The following NAV2 variants were observed in gnomAD, a reference collection of about 807,000 sequenced individuals.
NAV2 encodes helicase, APC down-regulated 1.
Under a neutral mutation model 223.2 loss-of-function variants are expected in NAV2, and 54 were observed. The ratio of observed to expected loss-of-function variants is 0.24; its 90% confidence interval spans 0.19 to 0.30. The LOEUF is 0.30. NAV2 is among the 10% of genes least tolerant of loss of function. The probability of loss-of-function intolerance (pLI) is 1.00; values close to 1 mark genes in which losing one functional copy is unlikely to be tolerated. For missense variants in NAV2, 2,806 were observed against 3,147.5 expected (o/e 0.89, Z 2.60); for synonymous variants, 1,279 against 1,239.3 (o/e 1.03, Z -0.67).
chr11:19,350,547 C>T (rs967787787), upstream of NAV2, among the ~76,000 whole-genome samples: 1 of 152,162 alleles, frequency 6.6e-6, no homozygotes, highest in African/African-American at 2.4e-5. Context: ...GATTAAATGC[C>T]CATTTACATT....
intron 10 of NAV2, among the ~76,000 whole-genome samples, chr11:19,954,972 C>CATATATATAT (rs1161437533): frequency 2.0e-5 from 1 of 49,576 alleles, no homozygotes; most frequent in Non-Finnish European, 4.3e-5. Context: ...TACATATACA[C>CATATATATAT]ACATATATAT....
At chr11:19,499,252 C>T (rs1234765891) in intron 1 of NAV2, among the ~76,000 whole-genome samples, 1 of 152,136 alleles carries the variant, frequency 6.6e-6, no homozygotes. Context: ...AAATAAAAGG[C>T]CAGGAACCTA....
chr11:19,822,588 C>T (rs2059438219), intron 1 of NAV2, among the ~76,000 whole-genome samples: 1 of 151,996 alleles, frequency 6.6e-6, no homozygotes, highest in African/African-American at 2.4e-5. Flanking sequence ...GTGTGAGTAT[C>T]CCTTTGAAAC....
chr11:20,049,801 T>A (rs1361449883), intron 15 of NAV2, 35 bp from the exon 16 acceptor site: 1 of 1,599,386 alleles, frequency 6.3e-7, no homozygotes, highest in East Asian at 2.2e-5. Context: ...AAGCTAACGT[T>A]CCTTCTCTTG....
intron 1 of NAV2, among the ~76,000 whole-genome samples, chr11:19,734,156 A>G (rs1466457047): frequency 6.6e-6 from 1 of 152,156 alleles, no homozygotes; most frequent in African/African-American, 2.4e-5. Context: ...GGAATAGGAG[A>G]GTCTACAATG....
intron 1 of NAV2, among the ~76,000 whole-genome samples, chr11:19,425,842 T>C (rs569337191): frequency 6.6e-6 from 1 of 152,220 alleles, no homozygotes. Flanking sequence ...CCTGTAATTC[T>C]GAACATCAAT....
At chr11:20,098,659 C>G (rs1168014977) in intron 31 of NAV2, among the ~76,000 whole-genome samples, 1 of 152,252 alleles carries the variant, frequency 6.6e-6, no homozygotes, top group African/African-American at 2.4e-5. Context: ...AGATCTTGCT[C>G]TGCAGGTGGC....
At chr11:20,027,533 C>T (rs940662451) in intron 11 of NAV2, 24 of 907,398 alleles carry the variant, frequency 2.6e-5, no homozygotes, top group Non-Finnish European at 3.2e-5. Context: ...AAGAGGCAGA[C>T]AGAGGGGCGG....
At chr11:19,708,466 T>C (rs1177133954), upstream of NAV2, among the ~76,000 whole-genome samples, 1 of 152,216 alleles carries the variant, frequency 6.6e-6, no homozygotes, top group African/African-American at 2.4e-5. Flanking sequence ...CCAAGATCCC[T>C]GCATTTTTTT....
rs117214934 is a variant in NAV2, at chr11:20,012,243, T to C, written c.2769-23716T>C. 9.3e-4 allele frequency among the ~76,000 whole-genome samples: 142 copies of C among 152,374 alleles called. 2 individuals are homozygous for C. In the East Asian group the frequency reaches 0.027, roughly 29 times the overall value. The stretch of plus-strand genomic sequence containing the variant: ...GAATGAGAACATTTATCTTTCTCTC[T>C]AAACTTAAGCAAAAATATAGAACTT... On this transcript the variant is annotated intron_variant, in intron 11 of 37. Coordinates refer to ENST00000349880, the MANE Select transcript of NAV2 (RefSeq NM_145117.5).
chr11:19,622,395 C>G (rs902772670), intron 1 of NAV2, among the ~76,000 whole-genome samples: 2 of 152,102 alleles, frequency 1.3e-5, no homozygotes, highest in Admixed American at 6.5e-5. Flanking sequence ...GAGTCTAAGT[C>G]TCTTTGTAGG....
chr11:20,082,672 C>A, intron 25 of NAV2: 2 of 1,409,810 alleles, frequency 1.4e-6, no homozygotes, highest in Non-Finnish European at 2.0e-6. Context: ...TCATCCGCAT[C>A]CATCACCGTG....
At chr11:19,971,615 G>C (rs1423632648) in intron 10 of NAV2, among the ~76,000 whole-genome samples, 6 of 152,154 alleles carry the variant, frequency 3.9e-5, no homozygotes. Flanking sequence ...TGTTAATATG[G>C]AAATCTGGTA....
At chr11:19,522,185 C>G (rs2043680895) in intron 1 of NAV2, among the ~76,000 whole-genome samples, 1 of 152,214 alleles carries the variant, frequency 6.6e-6, no homozygotes, top group African/African-American at 2.4e-5. Flanking sequence ...CGCTTGGAAG[C>G]CACCACACAG....
intron 1 of NAV2, among the ~76,000 whole-genome samples, chr11:19,753,102 C>T (rs1260778628): frequency 6.6e-6 from 1 of 152,184 alleles, no homozygotes; most frequent in Non-Finnish European, 1.5e-5. Context: ...CATGCTGGCA[C>T]CAGATCTCAG....
chr11:20,101,103 G>T lies in NAV2; in HGVS notation c.6348G>T (p.Val2116=), dbSNP rs768796139. The T allele has an allele frequency of 1.5e-5, 25 of 1,614,048 alleles. No homozygotes were observed. The highest frequency in any genetic ancestry group is 2.0e-5 in the Non-Finnish European group (24 of 1,180,042). ...CCAACCGGCTGTCTGAGTATATAGT[G>T]CTTCGAGAGGGACGGGAGTTGACAG... is the stretch of plus-strand genomic sequence containing the variant. The part of the protein sequence containing the change: ...YLANRLSEYI[V]LREGRELTDG... The change falls in exon 32 of 38, where the codon GTG becomes GTT. Residue 2116 remains valine, a synonymous_variant. Coordinates refer to ENST00000349880, the MANE Select transcript of NAV2 (RefSeq NM_145117.5).
intron 1 of NAV2, among the ~76,000 whole-genome samples, chr11:19,576,062 T>A (rs2045562361): frequency 6.6e-6 from 1 of 152,142 alleles, no homozygotes. Context: ...AGATCTCACA[T>A]CTAGTGTATG....
intron 1 of NAV2, among the ~76,000 whole-genome samples, chr11:19,812,433 T>C (rs2058882259): frequency 6.6e-6 from 1 of 152,120 alleles, no homozygotes; most frequent in Non-Finnish European, 1.5e-5. Context: ...TTATTTTTTA[T>C]TACCATTTTG....
At chr11:19,921,888 T>A (rs543946027) in intron 6 of NAV2, among the ~76,000 whole-genome samples, 1 of 152,256 alleles carries the variant, frequency 6.6e-6, no homozygotes, top group Admixed American at 6.5e-5. Flanking sequence ...AAATGTTGAA[T>A]GTTATCCTTC....
Sources: allele counts gnomAD v4.1 joint callset (sites outside exome capture counted in the v4.1 genomes callset), GRCh38; gene constraint gnomAD v4.1.1; transcripts MANE v1.5; gene names NCBI Gene and HGNC (gene_info 2026-07-23, HGNC 2026-07-21).